Variants in ASAP1 observed in about 807,000 individuals in gnomAD.
The protein encoded by ASAP1 is arf-GAP with SH3 domain, ANK repeat and PH domain-containing protein 1.
ASAP1 carries 43 observed loss-of-function variants against 145.2 expected under a neutral mutation model. The observed-to-expected ratio is 0.30, with a 90% CI of 0.23 to 0.38. The LOEUF (loss-of-function observed/expected upper bound fraction) is 0.38, where lower values mean the gene tolerates loss of function less well. Among genes scored for constraint, ASAP1 ranks in the 10% least tolerant of loss-of-function variants. ASAP1 has a pLI of 1.00. For missense variants in ASAP1, 1,018 were observed against 1,355.3 expected, an observed-to-expected ratio of 0.75 and a Z score of 3.91; for synonymous variants, 546 against 515.5, an observed-to-expected ratio of 1.06 and a Z score of -0.80.
At chr8:130,124,622 C>A (rs537196519) in intron 17 of ASAP1, among the ~76,000 whole-genome samples, 1 of 152,190 alleles carries the variant, frequency 6.6e-6, no homozygotes, top group Non-Finnish European at 1.5e-5. Flanking sequence ...GCAGAGGACC[C>A]AGGAACCATT....
At chr8:130,276,728 A>ACACACACACACACACACTCTCTCTCT (rs548512902) in intron 3 of ASAP1, among the ~76,000 whole-genome samples, 2 of 87,316 alleles carry the variant, frequency 2.3e-5, no homozygotes, top group African/African-American at 4.4e-5. Flanking sequence ...ACACACACAC[A>ACACACACACACACACACTCTCTCTCT]CTCTCTCTCT....
intron 24 of ASAP1, among the ~76,000 whole-genome samples, chr8:130,098,671 T>C (rs1414710701): frequency 1.3e-5 from 2 of 152,152 alleles, no homozygotes; most frequent in Non-Finnish European, 2.9e-5. Context: ...GTTGACACAA[T>C]TGTACATATT....
At chr8:130,159,140 A>AGGAGAGAG (rs1414834999) in intron 12 of ASAP1, among the ~76,000 whole-genome samples, 2 of 152,210 alleles carry the variant, frequency 1.3e-5, no homozygotes, top group African/African-American at 4.8e-5. Flanking sequence ...TGAATACTCC[A>AGGAGAGAG]GGAGAGACAG....
intron 1 of ASAP1, among the ~76,000 whole-genome samples, chr8:130,441,535 GAACAAC>G: frequency 6.6e-6 from 1 of 152,340 alleles, no homozygotes; most frequent in South Asian, 2.1e-4. Context: ...GAAATGGCAG[GAACAAC>G]ACTGTCCTAG....
chr8:130,285,060 G>C (rs146017152), intron 3 of ASAP1, among the ~76,000 whole-genome samples: 9 of 152,286 alleles, frequency 5.9e-5, no homozygotes, highest in African/African-American at 2.2e-4. Flanking sequence ...GATGGTCCTA[G>C]TGGTTCCTTA....
At chr8:130,283,379 G>A (rs1419164811) in intron 3 of ASAP1, among the ~76,000 whole-genome samples, 1 of 152,064 alleles carries the variant, frequency 6.6e-6, no homozygotes, top group African/African-American at 2.4e-5. Flanking sequence ...AAGAGATCGA[G>A]ACCATCCTGG....
At chr8:130,305,844 G>T (rs1019351314) in intron 3 of ASAP1, among the ~76,000 whole-genome samples, 4 of 152,078 alleles carry the variant, frequency 2.6e-5, no homozygotes, top group African/African-American at 9.7e-5. Context: ...CTGTTTCACT[G>T]GCACCCCCTC....
At chr8:130,216,596 T>TCATCATGTTGAGGCCC (rs1313458198) in intron 4 of ASAP1, among the ~76,000 whole-genome samples, 11 of 152,184 alleles carry the variant, frequency 7.2e-5, no homozygotes, top group Non-Finnish European at 1.2e-4. Context: ...CTCTCTGACC[T>TCATCATGTTGAGGCCC]CATCATGTTG....
intron 25 of ASAP1, among the ~76,000 whole-genome samples, chr8:130,085,732 C>CT (rs1307941950): frequency 1.9e-5 from 1 of 53,360 alleles, no homozygotes; most frequent in African/African-American, 7.0e-5. Context: ...AAGACGTTGT[C>CT]TTTAAGAAAA....
intron 4 of ASAP1, 53 bp from the exon 5 acceptor site, chr8:130,214,754 A>C: frequency 6.8e-7 from 1 of 1,464,050 alleles, no homozygotes; most frequent in African/African-American, 1.4e-5. Context: ...TGCCACAATG[A>C]AAAGTTACTT....
intron 25 of ASAP1, among the ~76,000 whole-genome samples, chr8:130,081,944 T>A (rs1397205846): frequency 6.6e-6 from 1 of 152,230 alleles, no homozygotes; most frequent in Non-Finnish European, 1.5e-5. Context: ...TCATTTTATA[T>A]ATGAAGAAGC....
intron 2 of ASAP1, among the ~76,000 whole-genome samples, chr8:130,382,285 C>CAAA (rs35060121): frequency 9.5e-5 from 7 of 73,494 alleles, no homozygotes; most frequent in South Asian, 5.9e-4. Context: ...GATTCTGTCT[C>CAAA]AAAAAAAAAA....
chr8:130,219,590 A>G (rs1817165191), intron 4 of ASAP1, among the ~76,000 whole-genome samples: 1 of 152,232 alleles, frequency 6.6e-6, no homozygotes, highest in Admixed American at 6.5e-5. Context: ...CTCTGTTTTA[A>G]GATCTTTACT....
At chr8:130,236,312 T>C (rs902014381) in intron 4 of ASAP1, among the ~76,000 whole-genome samples, 1 of 151,748 alleles carries the variant, frequency 6.6e-6, no homozygotes, top group African/African-American at 2.4e-5. Flanking sequence ...TTTTTTGTGG[T>C]TACTCATTTT....
intron 3 of ASAP1, among the ~76,000 whole-genome samples, chr8:130,312,317 C>T (rs1823406463): frequency 6.6e-6 from 1 of 151,460 alleles, no homozygotes; most frequent in Non-Finnish European, 1.5e-5. Flanking sequence ...AAAGAGCTGG[C>T]TACCATCCAC....
intron 2 of ASAP1, among the ~76,000 whole-genome samples, chr8:130,390,541 T>A (rs72724476): frequency 0.062 from 9,509 of 152,292 alleles, 296 homozygotes; most frequent in Middle Eastern, 0.12. Context: ...CTGTTAGATA[T>A]CTATTTCCCC....
At chr8:130,188,875 G>A (rs1814940647) in intron 5 of ASAP1, among the ~76,000 whole-genome samples, 1 of 152,018 alleles carries the variant, frequency 6.6e-6, no homozygotes, top group South Asian at 2.1e-4. Context: ...TAACACCTCT[G>A]CCAAAATTGT....
chr8:130,301,557 T>C (rs968729410), intron 3 of ASAP1, among the ~76,000 whole-genome samples: 9 of 152,182 alleles, frequency 5.9e-5, no homozygotes, highest in African/African-American at 2.2e-4. Flanking sequence ...GGCAGTGGTG[T>C]TTTTTTCTTG....
intron 3 of ASAP1, among the ~76,000 whole-genome samples, chr8:130,325,690 G>A (rs1326226879): frequency 6.6e-6 from 1 of 152,240 alleles, no homozygotes; most frequent in Non-Finnish European, 1.5e-5. Flanking sequence ...TGTTATAACT[G>A]TATTAATTAC....
Sources: gnomAD v4.1 joint callset for allele counts (sites outside exome capture counted in the v4.1 genomes callset) on GRCh38, gnomAD v4.1.1 for gene constraint, MANE v1.5 for transcripts, NCBI Gene and HGNC (gene_info 2026-07-23, HGNC 2026-07-21) for gene names.